PRRC1: variants seen among roughly 807,000 people sequenced by gnomAD.
The protein encoded by PRRC1 is protein PRRC1.
PRRC1 carries 39 observed loss-of-function variants against 40.7 expected under a neutral mutation model. That is an observed-to-expected ratio of 0.96 (90% CI 0.74 to 1.25). The LOEUF (loss-of-function observed/expected upper bound fraction) is 1.25. Ranked by LOEUF, PRRC1 falls within the 50% of genes most tolerant of loss-of-function variation. The pLI, the probability that PRRC1 is intolerant of heterozygous loss-of-function variation, is 0.00. For synonymous variants in PRRC1, 175 were observed against 193.3 expected, an observed-to-expected ratio of 0.91 and a Z score of 0.79; for missense variants, 573 against 548.3, an observed-to-expected ratio of 1.05 and a Z score of -0.45.
chr5:127,553,073 C>T lies in PRRC1; in HGVS notation c.*1157C>T. 1.3e-6 allele frequency: 1 copy of T among 781,202 alleles called. No individual in the cohort carries two copies. The highest frequency in any genetic ancestry group is 1.6e-6 in the Non-Finnish European group (1 of 644,974). The allele number at this position is 781,202 out of a possible 1,614,324, so 48.4% of individuals were successfully genotyped here. The stretch of plus-strand genomic sequence containing the variant: ...TTAATACTGTTGGACTTTGTATATA[C>T]AAGTTCAAATAACTTTTTCGAAGAT... On this transcript the variant is annotated 3_prime_UTR_variant, in exon 9 of 9. Transcript: ENST00000296666.
Position 127,533,779 on chromosome 5 carries a change from G to A in PRRC1, c.914G>A (p.Gly305Glu). 6.2e-7 allele frequency: 1 copy of A among 1,613,978 alleles called. No homozygotes were observed. Among genetic ancestry groups the A allele is most frequent in the South Asian group, 1.1e-5 (1 of 91,070 alleles). ...CCACAACCAGTGGGCTATGCAGCTG[G>A]ATTAAAAGTGAGTAACAGAACACCA... ...IAPQPVGYAA[G>E]LKGAQERIDS... Residue 305 changes from glycine to glutamate, a missense_variant, in exon 6 of 9, where the codon GGA (glycine) becomes GAA (glutamate). Physicochemically the swap from Gly to Glu is moderately conservative, Grantham distance 98 (BLOSUM62 -2). Coordinates refer to ENST00000296666, the MANE Select transcript of PRRC1 (RefSeq NM_130809.5).
At chr5:127,518,899 C>T (rs558236974) in intron 1 of PRRC1, among the ~76,000 whole-genome samples, 4 of 152,110 alleles carry the variant, frequency 2.6e-5, no homozygotes, top group Admixed American at 6.5e-5. Context: ...AAACAGTTAC[C>T]AACTCTGACA....
intron 4 of PRRC1, 81 bp downstream of exon 4, chr5:127,526,859 A>C: frequency 8.4e-7 from 1 of 1,194,816 alleles, no homozygotes. Flanking sequence ...TTGAAAATAC[A>C]GGATGGCACA....
intron 8 of PRRC1, chr5:127,548,458 T>G (rs1768286052): frequency 6.7e-6 from 1 of 148,688 alleles, no homozygotes; most frequent in Non-Finnish European, 1.5e-5. Flanking sequence ...TTATTCCTCT[T>G]TTTTTTTTTT....
intron 1 of PRRC1, among the ~76,000 whole-genome samples, chr5:127,519,708 C>A (rs764283181): frequency 6.6e-6 from 1 of 152,202 alleles, no homozygotes; most frequent in Non-Finnish European, 1.5e-5. Flanking sequence ...CTTACGTAAT[C>A]TCATCTCAAA....
chr5:127,531,244 G>A (rs1177977665), intron 5 of PRRC1, among the ~76,000 whole-genome samples: 3 of 152,184 alleles, frequency 2.0e-5, no homozygotes, highest in Non-Finnish European at 2.9e-5. Flanking sequence ...AGTTTTGGAC[G>A]AGGAATCTAG....
At chr5:127,525,219 T>C (rs1767588721) in intron 3 of PRRC1, among the ~76,000 whole-genome samples, 2 of 152,248 alleles carry the variant, frequency 1.3e-5, no homozygotes, top group African/African-American at 4.8e-5. Flanking sequence ...TTGCTTATCC[T>C]GGTCATTTCA....
chr5:127,523,469 A>C lies in PRRC1; in HGVS notation c.-11A>C. On this transcript the variant is annotated 5_prime_UTR_variant, in exon 2 of 9. Transcript: ENST00000296666. ...TTTTGTGTTTTTATAGTATACCATAATTGAAGAAAAATGATGGAAGAGAGT... is the reference window on the plus strand; with the variant it reads ...TTTTGTGTTTTTATAGTATACCATACTTGAAGAAAAATGATGGAAGAGAGT... 1.9e-6 allele frequency: 3 copies of C among 1,566,260 alleles called. No individual in the cohort carries two copies. The highest frequency in any genetic ancestry group is 1.7e-6 in the Non-Finnish European group (2 of 1,149,410).
intron 5 of PRRC1, among the ~76,000 whole-genome samples, chr5:127,531,271 G>A (rs1767763155): frequency 6.6e-6 from 1 of 152,222 alleles, no homozygotes; most frequent in South Asian, 2.1e-4. Context: ...AGGGATGTAA[G>A]TTATCACCCT....
intron 7 of PRRC1, among the ~76,000 whole-genome samples, chr5:127,542,959 C>A: frequency 6.6e-6 from 1 of 151,996 alleles, no homozygotes; most frequent in Admixed American, 6.6e-5. Flanking sequence ...GATGCAGTTT[C>A]TTCCTAGTTT....
In PRRC1 at chr5:127,525,173, T is replaced by C. The variant is rs996317937; in HGVS notation, c.493+253T>C. 3.3e-5 allele frequency among the ~76,000 whole-genome samples: 5 copies of C among 152,212 alleles called. No homozygotes were observed. In the East Asian group the frequency reaches 9.6e-4, roughly 29 times the overall value. On this transcript the variant is annotated intron_variant, in intron 3 of 8. Coordinates refer to ENST00000296666, the MANE Select transcript of PRRC1 (RefSeq NM_130809.5). ...ACTGTCCCCCAAATCCTCACAGCTC[T>C]AGGCAACTACTAATCTACTTTCTAT...
chr5:127,544,140 C>A lies in PRRC1; in HGVS notation c.1026-3679C>A, dbSNP rs60211404. On this transcript the variant is annotated intron_variant, in intron 7 of 8. Coordinates refer to ENST00000296666, the MANE Select transcript of PRRC1 (RefSeq NM_130809.5). ...TGTTGGAGTTTGCTAGAGGTCCACTCCAGACCCTGTTTGCCTGGGTATCAG... is the reference window on the plus strand; with the variant it reads ...TGTTGGAGTTTGCTAGAGGTCCACTACAGACCCTGTTTGCCTGGGTATCAG... Among the ~76,000 whole-genome samples, 828 of 152,332 alleles carry A rather than the reference C, an allele frequency of 5.4e-3. 9 individuals are homozygous for A. The highest frequency in any genetic ancestry group is 0.019 in the African/African-American group (803 of 41,576).
At chr5:127,533,228 AAAG>A (rs1355582723) in intron 5 of PRRC1, among the ~76,000 whole-genome samples, 7 of 152,188 alleles carry the variant, frequency 4.6e-5, no homozygotes, top group African/African-American at 7.2e-5. Flanking sequence ...TCTAGGTTAA[AAAG>A]TATATTTCAT....
intron 4 of PRRC1, among the ~76,000 whole-genome samples, chr5:127,529,467 TAGTA>T (rs1425094991): frequency 6.6e-6 from 1 of 152,138 alleles, no homozygotes; most frequent in South Asian, 2.1e-4. Flanking sequence ...GTCTTGTAAA[TAGTA>T]AGTCATGATG....
chr5:127,520,774 A>G (rs949894007), intron 1 of PRRC1, among the ~76,000 whole-genome samples: 8 of 152,228 alleles, frequency 5.3e-5, no homozygotes, highest in African/African-American at 7.2e-5. Context: ...TCATAGAACT[A>G]TGCACATACA....
intron 4 of PRRC1, among the ~76,000 whole-genome samples, chr5:127,528,492 T>G (rs1767683646): frequency 6.6e-6 from 1 of 152,082 alleles, no homozygotes; most frequent in Non-Finnish European, 1.5e-5. Flanking sequence ...TTTTTTTGTA[T>G]TTTTAGTAGA....
In PRRC1 at chr5:127,533,717, T is replaced by G. The variant is rs778729088; in HGVS notation, c.852T>G (p.Ala284=). The G allele has an allele frequency of 3.7e-6, 6 of 1,614,122 alleles. No individual in the cohort carries two copies. The highest frequency in any genetic ancestry group is 2.5e-6 in the Non-Finnish European group (3 of 1,179,990). ...RDAFQEVFGL[A]VVVGEAGQSN... The stretch of plus-strand genomic sequence containing the variant: ...CCTTCCAGGAGGTCTTTGGCTTAGC[T>G]GTGGTTGTAGGGGAAGCTGGACAGT... The change falls in exon 6 of 9, where the codon GCT becomes GCG. Residue 284 remains alanine, a synonymous_variant. Transcript: ENST00000296666.
intron 7 of PRRC1, among the ~76,000 whole-genome samples, chr5:127,546,505 T>C (rs2127115628): frequency 1.3e-5 from 2 of 152,278 alleles, no homozygotes; most frequent in East Asian, 3.9e-4. Flanking sequence ...AGTCTTTAAG[T>C]GATCTTGAGA....
chr5:127,531,617 C>CTTCTTTTTTTTTTTTTTTTT lies in PRRC1; in HGVS notation c.757+1223_757+1224insCTTTTTTTTTTTTTTTTTTT, dbSNP rs1268819647. Among the ~76,000 whole-genome samples the CTTCTTTTTTTTTTTTTTTTT allele has an allele frequency of 1.8e-4, 18 of 99,678 alleles. 1 individual carries two copies. The highest frequency in any genetic ancestry group is 7.9e-4 in the African/African-American group (17 of 21,550). The allele number at this position is 99,678 out of a possible 152,430, so 65.4% of individuals were successfully genotyped here. On this transcript the variant is annotated intron_variant, in intron 5 of 8. Coordinates refer to ENST00000296666, the MANE Select transcript of PRRC1 (RefSeq NM_130809.5). ...GCCAGGTGTTTTTATTCTTCTTCTTCTTTTTTTTTTTTTTTTTTTTTTTGA... is the reference window on the plus strand; with the variant it reads ...GCCAGGTGTTTTTATTCTTCTTCTTCTTCTTTTTTTTTTTTTTTTTTTTTTTTTTTTTTTTTTTTTTTTGA...
Sources: allele counts gnomAD v4.1 joint callset (sites outside exome capture counted in the v4.1 genomes callset), GRCh38; gene constraint gnomAD v4.1.1; transcripts MANE v1.5; gene names NCBI Gene and HGNC (gene_info 2026-07-23, HGNC 2026-07-21).